Variants in EPHB1 observed in about 807,000 individuals in gnomAD.
EPHB1 encodes EPH receptor B1, also known as ephrin type-B receptor 1.
EPHB1 carries 30 observed loss-of-function variants against 94.4 expected under a neutral mutation model. The observed-to-expected ratio is 0.32, with a 90% confidence interval of 0.24 to 0.43. EPHB1 has a LOEUF of 0.43. EPHB1 is among the 20% of genes least tolerant of loss of function. The pLI is 1.00. For synonymous variants in EPHB1, 522 were observed against 489.1 expected (o/e 1.07, Z -0.89); for missense variants, 1,055 against 1,308.3 (o/e 0.81, Z 2.99).
intron 3 of EPHB1, among the ~76,000 whole-genome samples, chr3:134,983,255 A>T (rs1332922541): frequency 6.6e-6 from 1 of 152,206 alleles, no homozygotes; most frequent in African/African-American, 2.4e-5. Context: ...TGTGTGCATG[A>T]TCATGCATAT....
At chr3:134,933,008 A>T (rs1398974279) in intron 2 of EPHB1, among the ~76,000 whole-genome samples, 1 of 152,158 alleles carries the variant, frequency 6.6e-6, no homozygotes, top group Non-Finnish European at 1.5e-5. Flanking sequence ...AGTATCTGTC[A>T]TGACTTTTTG....
At chr3:134,903,272 C>T (rs1282184553) in intron 1 of EPHB1, among the ~76,000 whole-genome samples, 1 of 152,224 alleles carries the variant, frequency 6.6e-6, no homozygotes, top group Non-Finnish European at 1.5e-5. Flanking sequence ...TGAGAGCCTG[C>T]TCAGGGCTCC....
chr3:135,218,139 G>A (rs1195960929), intron 12 of EPHB1, among the ~76,000 whole-genome samples: 9 of 152,104 alleles, frequency 5.9e-5, no homozygotes, highest in Non-Finnish European at 1.3e-4. Context: ...AGTGGAGAGG[G>A]ATGAAGACAA....
chr3:134,795,830 C>G, intron 1 of EPHB1, 141 bp downstream of exon 1: 2 of 987,048 alleles, frequency 2.0e-6, no homozygotes, highest in Non-Finnish European at 3.1e-6. Context: ...TTGGGAGCCT[C>G]GGCCGCTGCC....
At chr3:135,153,278 G>A (rs1467138066) in intron 5 of EPHB1, among the ~76,000 whole-genome samples, 1 of 152,188 alleles carries the variant, frequency 6.6e-6, no homozygotes, top group Non-Finnish European at 1.5e-5. Context: ...AAACGGAACA[G>A]CCCCTGAGCA....
chr3:135,240,480 G>T (rs1287471778), intron 12 of EPHB1, among the ~76,000 whole-genome samples: 1 of 152,180 alleles, frequency 6.6e-6, no homozygotes, highest in Admixed American at 6.5e-5. Flanking sequence ...GTAGAAAAGA[G>T]CATCTCTAGA....
chr3:135,197,768 G>A (rs1174139029), intron 11 of EPHB1, among the ~76,000 whole-genome samples: 4 of 151,852 alleles, frequency 2.6e-5, no homozygotes, highest in Non-Finnish European at 4.4e-5. Flanking sequence ...TTTACTATGT[G>A]CTCAGCATGG....
chr3:135,102,151 G>T (rs1939055148), intron 3 of EPHB1, among the ~76,000 whole-genome samples: 1 of 152,194 alleles, frequency 6.6e-6, no homozygotes, highest in South Asian at 2.1e-4. Flanking sequence ...ACCTTAAGTT[G>T]CCTGAAAGTG....
chr3:135,257,596 C>G (rs1430565001), intron 15 of EPHB1, among the ~76,000 whole-genome samples: 1 of 151,936 alleles, frequency 6.6e-6, no homozygotes, highest in African/African-American at 2.4e-5. Flanking sequence ...CAGCTGCGTG[C>G]TGGGAGAACC....
chr3:135,241,045 A>G, intron 12 of EPHB1, 103 bp from the exon 13 acceptor site: 1 of 1,326,234 alleles, frequency 7.5e-7, no homozygotes, highest in South Asian at 1.2e-5. Context: ...TTCACAAGAT[A>G]TGGGAGTGAG....
intron 12 of EPHB1, among the ~76,000 whole-genome samples, 154 bp from the exon 13 acceptor site, chr3:135,240,994 C>A (rs909560591): frequency 3.3e-5 from 5 of 152,190 alleles, no homozygotes; most frequent in Non-Finnish European, 7.3e-5. Context: ...GGCACAGCAA[C>A]ATAGCTTGTG....
chr3:134,810,250 G>A (rs1458592546), intron 1 of EPHB1, among the ~76,000 whole-genome samples: 4 of 150,876 alleles, frequency 2.7e-5, no homozygotes, highest in Non-Finnish European at 5.9e-5. Context: ...CCATTCACGG[G>A]CTTGAAGCGT....
intron 3 of EPHB1, among the ~76,000 whole-genome samples, chr3:134,960,192 TCTCAGGTCTCC>T (rs1352638756): frequency 1.3e-5 from 2 of 151,878 alleles, no homozygotes; most frequent in Non-Finnish European, 2.9e-5. Flanking sequence ...AAGACCTGGG[TCTCAGGTCTCC>T]CTCAGTGCAG....
intron 1 of EPHB1, among the ~76,000 whole-genome samples, chr3:134,851,870 A>G (rs932109063): frequency 5.9e-5 from 9 of 152,174 alleles, no homozygotes; most frequent in African/African-American, 2.2e-4. Context: ...AGCTTTGTCC[A>G]TGTTCAGAGC....
At chr3:135,246,895 C>T (rs1206065985) in intron 13 of EPHB1, among the ~76,000 whole-genome samples, 1 of 152,016 alleles carries the variant, frequency 6.6e-6, no homozygotes, top group Admixed American at 6.6e-5. Flanking sequence ...TATCTCATGT[C>T]CTATCTCATG....
In EPHB1 at chr3:135,027,876, G is replaced by C. The variant is rs202043321; in HGVS notation, c.805+75824G>C. ...TCCTGGACTCTTTTTGCTTGGTAAG[G>C]TATTGATTATTGCCACAACTTCAGA... On this transcript the variant is annotated intron_variant, in intron 3 of 15. Coordinates refer to ENST00000398015, the MANE Select transcript of EPHB1 (RefSeq NM_004441.5). 3.2e-3 allele frequency among the ~76,000 whole-genome samples: 382 copies of C among 117,990 alleles called. 1 individual carries two copies. The highest frequency in any genetic ancestry group is 0.018 in the East Asian group (29 of 1,636). 77.4% of individuals were successfully genotyped at this position (117,990 alleles called of 152,430 possible). A position where few individuals can be genotyped will look rare whatever the true frequency, so the allele number is the denominator to read the frequency against.
intron 13 of EPHB1, among the ~76,000 whole-genome samples, chr3:135,241,752 C>G (rs1426262353): frequency 6.6e-6 from 1 of 152,206 alleles, no homozygotes; most frequent in Non-Finnish European, 1.5e-5. Context: ...GAGCCAGTCG[C>G]AGTTTCTGTG....
In EPHB1 at chr3:134,833,718, G is replaced by T. The variant is rs368707299; in HGVS notation, c.58+38029G>T. On this transcript the variant is annotated intron_variant, in intron 1 of 15. Coordinates refer to ENST00000398015, the MANE Select transcript of EPHB1 (RefSeq NM_004441.5). Reference sequence around the variant, plus strand: ...GGTGTCTAGAGGAGCTGCCTGTGAGGCTGAGTCTCCAGGCATGAGGAGGTG... The same window carrying T: ...GGTGTCTAGAGGAGCTGCCTGTGAGTCTGAGTCTCCAGGCATGAGGAGGTG... 6.6e-5 allele frequency among the ~76,000 whole-genome samples: 10 copies of T among 152,264 alleles called. No homozygotes were observed. The East Asian group carries it at 1.7e-3, about 27-fold the overall frequency.
At chr3:135,050,085 A>T (rs939430805) in intron 3 of EPHB1, among the ~76,000 whole-genome samples, 1 of 152,220 alleles carries the variant, frequency 6.6e-6, no homozygotes, top group Non-Finnish European at 1.5e-5. Flanking sequence ...TGTTGCTGGC[A>T]TCCAAATTGA....
Sources: allele counts gnomAD v4.1 joint callset (sites outside exome capture counted in the v4.1 genomes callset), GRCh38; gene constraint gnomAD v4.1.1; transcripts MANE v1.5; gene names NCBI Gene and HGNC (gene_info 2026-07-23, HGNC 2026-07-21).